Variants in RNF220 observed in about 807,000 individuals in gnomAD.
The protein encoded by RNF220 is E3 ubiquitin-protein ligase RNF220.
RNF220 carries 7 observed loss-of-function variants against 67.1 expected under a neutral mutation model. That is an observed-to-expected ratio of 0.10 (90% CI 0.06 to 0.20). The LOEUF (loss-of-function observed/expected upper bound fraction) is 0.20. RNF220 is among the 10% of genes least tolerant of loss of function. The probability of loss-of-function intolerance (pLI) is 1.00; values close to 1 mark genes in which losing one functional copy is unlikely to be tolerated. For synonymous variants in RNF220, 270 were observed against 283.2 expected, an observed-to-expected ratio of 0.95 and a Z score of 0.47; for missense variants, 565 against 740.3, an observed-to-expected ratio of 0.76 and a Z score of 2.75.
At chr1:44,513,895 C>T (rs969202959) in intron 2 of RNF220, among the ~76,000 whole-genome samples, 3 of 152,182 alleles carry the variant, frequency 2.0e-5, no homozygotes, top group Non-Finnish European at 4.4e-5. Context: ...TCCGCTCTTC[C>T]TGGAATAGAG....
chr1:44,526,132 A>G (rs1486054299), intron 2 of RNF220, among the ~76,000 whole-genome samples: 1 of 152,032 alleles, frequency 6.6e-6, no homozygotes, highest in African/African-American at 2.4e-5. Flanking sequence ...TCAAATCCCA[A>G]ATCCATGAAA....
intron 1 of RNF220, among the ~76,000 whole-genome samples, chr1:44,407,756 C>G (rs745359617): frequency 5.7e-4 from 87 of 152,174 alleles, no homozygotes; most frequent in Non-Finnish European, 1.0e-3. Flanking sequence ...AGCCCCGCGC[C>G]GGTCCGTATT....
In RNF220 at chr1:44,571,419, T is replaced by C. The variant is rs1323406287; in HGVS notation, c.626-42746T>C. On this transcript the variant is annotated intron_variant, in intron 2 of 14. Transcript: ENST00000361799. ...TGGCCACCTGCTGTCACTCTCAGCATCTCCTTACCCTGCTCATTTTCCTTC... is the reference window on the plus strand; with the variant it reads ...TGGCCACCTGCTGTCACTCTCAGCACCTCCTTACCCTGCTCATTTTCCTTC... Among the ~76,000 whole-genome samples, 4 of 152,202 alleles carry C rather than the reference T, an allele frequency of 2.6e-5. No individual in the cohort carries two copies. The East Asian group carries it at 7.7e-4, about 29-fold the overall frequency.
At chr1:44,513,049 C>G (rs1659150575) in intron 2 of RNF220, among the ~76,000 whole-genome samples, 1 of 152,224 alleles carries the variant, frequency 6.6e-6, no homozygotes, top group African/African-American at 2.4e-5. Flanking sequence ...AGGGTCTTCT[C>G]TGACTCTCTG....
At chr1:44,601,605 G>A (rs753742716) in intron 2 of RNF220, among the ~76,000 whole-genome samples, 3 of 152,180 alleles carry the variant, frequency 2.0e-5, no homozygotes, top group Non-Finnish European at 2.9e-5. Context: ...ACAGGGAGGT[G>A]AGAGTAGATC....
chr1:44,430,977 A>G lies in RNF220; in HGVS notation c.625+18255A>G, dbSNP rs560527423. Among the ~76,000 whole-genome samples, 8 of 152,344 alleles carry G rather than the reference A, an allele frequency of 5.3e-5. No homozygotes were observed. The South Asian group carries it at 1.7e-3, about 32-fold the overall frequency. On this transcript the variant is annotated intron_variant, in intron 2 of 14. Transcript: ENST00000361799. ...TGATTCCTCTGGTTCTGTAATTACT[A>G]CTTGGTTCTATTTCTTCCAAATGGT...
At chr1:44,563,400 C>A (rs531307121) in intron 2 of RNF220, among the ~76,000 whole-genome samples, 3 of 152,306 alleles carry the variant, frequency 2.0e-5, no homozygotes, top group South Asian at 4.1e-4. Flanking sequence ...CTGAGGACTT[C>A]AGGGGGCCCC....
At chr1:44,546,302 C>T (rs535997906) in intron 2 of RNF220, among the ~76,000 whole-genome samples, 9 of 152,210 alleles carry the variant, frequency 5.9e-5, no homozygotes, top group African/African-American at 2.2e-4. Context: ...GCTCAGTGGC[C>T]CCCCAGGCCC....
At position 44,594,270 on chromosome 1, in the gene RNF220, C is replaced by A. The variant is rs143305397; in HGVS notation, c.626-19895C>A. On this transcript the variant is annotated intron_variant, in intron 2 of 14. Transcript: ENST00000361799. ...GCCCTGGAGGGCGCTTTGCCTCCCC[C>A]CCTCCCTCCTTGTTACTTCATTCCC... 9.1e-3 allele frequency among the ~76,000 whole-genome samples: 1,382 copies of A among 152,162 alleles called. 39 individuals are homozygous for A. The highest frequency in any genetic ancestry group is 0.031 in the African/African-American group (1,285 of 41,498).
At chr1:44,430,951 A>G (rs1406458926) in intron 2 of RNF220, among the ~76,000 whole-genome samples, 1 of 152,246 alleles carries the variant, frequency 6.6e-6, no homozygotes, top group African/African-American at 2.4e-5. Flanking sequence ...ATAAAACTGA[A>G]TGATTCCTCT....
intron 1 of RNF220, among the ~76,000 whole-genome samples, chr1:44,407,718 C>G (rs1450383289): frequency 6.6e-6 from 1 of 152,160 alleles, no homozygotes; most frequent in Non-Finnish European, 1.5e-5. Flanking sequence ...ACTGCGCATC[C>G]GCAGTCCAGG....
At chr1:44,510,096 A>C in intron 2 of RNF220, among the ~76,000 whole-genome samples, 1 of 151,310 alleles carries the variant, frequency 6.6e-6, no homozygotes, top group East Asian at 1.9e-4. Context: ...ACAATTAGCC[A>C]GGCATAGTGG....
intron 2 of RNF220, among the ~76,000 whole-genome samples, chr1:44,597,468 GCACACA>G (rs56375404): frequency 0.018 from 2,481 of 135,652 alleles, 48 homozygotes; most frequent in African/African-American, 0.039. Flanking sequence ...TCTCTCTCAT[GCACACA>G]CACACACACA....
chr1:44,618,038 G>T lies in RNF220; in HGVS notation c.758+3741G>T, dbSNP rs143068025. ...AGCTCCTGAGTCTGTGGATGCTGCC[G>T]CCAGGTGCCCTCCATCAACCTGGAC... On this transcript the variant is annotated intron_variant, in intron 3 of 14. Transcript: ENST00000361799. Among the ~76,000 whole-genome samples the T allele has an allele frequency of 9.6e-4, 146 of 152,206 alleles. No homozygotes were observed. The East Asian group carries it at 0.019, about 20-fold the overall frequency.
At chr1:44,540,157 C>G (rs994660894) in intron 2 of RNF220, among the ~76,000 whole-genome samples, 1 of 152,196 alleles carries the variant, frequency 6.6e-6, no homozygotes, top group African/African-American at 2.4e-5. Flanking sequence ...GCCTGATGGT[C>G]TCCCCAGGAT....
intron 2 of RNF220, among the ~76,000 whole-genome samples, chr1:44,586,250 G>A (rs1449924867): frequency 6.6e-6 from 1 of 152,234 alleles, no homozygotes; most frequent in Non-Finnish European, 1.5e-5. Context: ...CCTTTGGGCA[G>A]TTGACAATTC....
rs778129305 is a variant in RNF220, at chr1:44,412,533, C to G, written c.436C>G (p.His146Asp). 1.9e-6 allele frequency: 3 copies of G among 1,614,156 alleles called. No homozygotes were observed. In the South Asian group the frequency reaches 3.3e-5, roughly 18 times the overall value. Residue 146 changes from histidine to aspartate, a missense_variant, in exon 2 of 15, where the codon CAT becomes GAT. By Grantham distance (81) the His-to-Asp change is moderately conservative. Transcript: ENST00000361799. This position sits in a 1 kb window ranked among gnomAD's most constrained non-coding sequence, Gnocchi z 5.3. ...GCCGGCCAAGCGACTTAAGAACTGC[C>G]ATGACACAGAGTCTCCCCACTTGCG... ...FTPAKRLKNC[H>D]DTESPHLRFS...
intron 1 of RNF220, among the ~76,000 whole-genome samples, chr1:44,406,212 G>T (rs982798780): frequency 1.3e-5 from 2 of 151,964 alleles, no homozygotes; most frequent in Non-Finnish European, 2.9e-5. Flanking sequence ...CCTAGCGGGG[G>T]CGGGTGTGAA....
At chr1:44,536,673 C>T (rs1467020669) in intron 2 of RNF220, among the ~76,000 whole-genome samples, 1 of 152,160 alleles carries the variant, frequency 6.6e-6, no homozygotes, top group Non-Finnish European at 1.5e-5. Flanking sequence ...CATGGTCTGC[C>T]CCTCGAAAAG....
Sources: allele counts gnomAD v4.1 joint callset (sites outside exome capture counted in the v4.1 genomes callset), GRCh38; gene constraint gnomAD v4.1.1; non-coding constraint Gnocchi (gnomAD v3.1); transcripts MANE v1.5; gene names NCBI Gene and HGNC (gene_info 2026-07-23, HGNC 2026-07-21).